Variants in AHNAK observed in about 807,000 individuals in gnomAD.
AHNAK encodes the protein AHNAK nucleoprotein, also known as neuroblast differentiation-associated protein AHNAK.
Under a neutral mutation model 37.8 loss-of-function variants are expected in AHNAK, and 23 were observed. That is an observed-to-expected ratio of 0.61 (90% CI 0.44 to 0.86). The LOEUF (loss-of-function observed/expected upper bound fraction) is 0.86. Among genes scored for constraint, AHNAK ranks in the 40% least tolerant of loss-of-function variants. The probability of loss-of-function intolerance (pLI) is 0.00; values close to 1 mark genes in which losing one functional copy is unlikely to be tolerated. For missense variants in AHNAK, 7,411 were observed against 7,319.4 expected (o/e 1.01, Z -0.46); for synonymous variants, 2,481 against 2,636.3 (o/e 0.94, Z 1.80).
chr11:62,499,223 T>G (rs1939669161), intron 4 of AHNAK, among the ~76,000 whole-genome samples: 1 of 152,126 alleles, frequency 6.6e-6, no homozygotes, highest in East Asian at 1.9e-4. Context: ...ACCCATAGCA[T>G]CCGACTGGCC....
chr11:62,529,568 C>T lies in AHNAK; in HGVS notation c.4849G>A (p.Ala1617Thr), dbSNP rs544879269. Reference sequence around the variant, plus strand: ...CCAACATTCACATCCATCTTAGGGGCTTTCACATCAATTTCAGGACCCTTC... The same window carrying T: ...CCAACATTCACATCCATCTTAGGGGTTTTCACATCAATTTCAGGACCCTTC... ...DLKGPEIDVK[A>T]PKMDVNVGDI... Residue 1617 changes from alanine to threonine, a missense_variant, in exon 5 of 5, where the codon GCC (alanine) becomes ACC (threonine). Transcript: ENST00000378024. 3 of 1,614,140 alleles carry T rather than the reference C, an allele frequency of 1.9e-6. No homozygotes were observed. Among genetic ancestry groups the T allele is most frequent in the Non-Finnish European group, 2.5e-6 (3 of 1,180,034 alleles).
rs1469914427 is a variant in AHNAK, at chr11:62,528,692, T to C, written c.5725A>G (p.Lys1909Glu). 6.2e-7 allele frequency: 1 copy of C among 1,609,648 alleles called. No homozygotes were observed. The highest frequency in any genetic ancestry group is 1.7e-5 in the Admixed American group (1 of 59,404). ...ECPDAKLKGPKFKMPDMHFKA... is the reference protein window; with the variant it reads ...ECPDAKLKGPEFKMPDMHFKA... ...AAGTGCATGTCTGGCATCTTAAATT[T>C]AGGGCCTTTCAACTTTGCATCAGGA... The change falls in exon 5 of 5, where the codon AAA (lysine) becomes GAA (glutamate). Residue 1909 changes from lysine (K) to glutamate (E), a missense_variant. By Grantham distance (56) the Lys-to-Glu change is moderately conservative. Transcript: ENST00000378024.
Position 62,526,299 on chromosome 11 carries a change from C to T in AHNAK, c.8118G>A (p.Lys2706=), listed in dbSNP as rs754457256. 2 of 1,613,932 alleles carry T rather than the reference C, an allele frequency of 1.2e-6. No homozygotes were observed. The highest frequency in any genetic ancestry group is 1.1e-5 in the South Asian group (1 of 91,070). ...TTAAGTCAATATCAGGCATGGAGATCTTGGGGGCTTTGATATTCATCTCTG... is the reference window on the plus strand; with the variant it reads ...TTAAGTCAATATCAGGCATGGAGATTTTGGGGGCTTTGATATTCATCTCTG... ...KMPEMNIKAP[K]ISMPDIDLNL... The change falls in exon 5 of 5, where the codon AAG becomes AAA. Residue 2706 remains lysine, a synonymous_variant. Transcript: ENST00000378024.
In AHNAK at chr11:62,530,496, C is replaced by T. The variant is rs746853100; in HGVS notation, c.3921G>A (p.Lys1307=). The change falls in exon 5 of 5, where the codon AAG becomes AAA. Residue 1307 remains lysine (K), a synonymous_variant. Coordinates refer to ENST00000378024, the MANE Select transcript of AHNAK (RefSeq NM_001620.3). ...TCTCAGGCATCTTAAACTTGGGGCC[C>T]TTCAGCTTTCCTTCCGGGCCCTCAA... is the stretch of plus-strand genomic sequence containing the variant. ...VSLEGPEGKL[K]GPKFKMPEMH... is the part of the protein sequence containing the mutation. The T allele has an allele frequency of 6.2e-7, 1 of 1,611,234 alleles. No homozygotes were observed. Among genetic ancestry groups the T allele is most frequent in the Admixed American group, 1.7e-5 (1 of 59,650 alleles).
chr11:62,454,412 CAA>C (rs5792260), intron 5 of AHNAK, among the ~76,000 whole-genome samples: 74,556 of 125,422 alleles, frequency 0.59, 21,015 homozygotes, highest in African/African-American at 0.68. Flanking sequence ...GACTCCATCT[CAA>C]AAAAAAAAAA....
chr11:62,542,939 C>T (rs545637697), intron 1 of AHNAK, among the ~76,000 whole-genome samples: 1 of 152,202 alleles, frequency 6.6e-6, no homozygotes, highest in Non-Finnish European at 1.5e-5. Context: ...GCTCTCCCCC[C>T]AGCGGTCGGA....
chr11:62,493,086 A>G (rs1020171930), intron 4 of AHNAK, among the ~76,000 whole-genome samples: 1 of 144,770 alleles, frequency 6.9e-6, no homozygotes, highest in African/African-American at 2.6e-5. Context: ...ATCTCAGCTC[A>G]CCACAACCTC....
At position 62,536,565 on chromosome 11, in the gene AHNAK, A is replaced by C; in HGVS notation, c.-97T>G. ...CTCTCTCGTCGGGAATCTCGGTCACAACCTAGGGAAAAGTTCACGATGATG... is the reference window on the plus strand; with the variant it reads ...CTCTCTCGTCGGGAATCTCGGTCACCACCTAGGGAAAAGTTCACGATGATG... On this transcript the variant is annotated splice_region_variant and 5_prime_UTR_variant, in exon 2 of 5. Transcript: ENST00000378024. The C allele has an allele frequency of 6.5e-6, 1 of 153,612 alleles. No individual in the cohort carries two copies. The highest frequency in any genetic ancestry group is 1.4e-5 in the Non-Finnish European group (1 of 69,070). The allele number at this position is 153,612 out of a possible 1,614,324, so 9.5% of individuals were successfully genotyped here. A position where few individuals can be genotyped will look rare whatever the true frequency, so the allele number is the denominator to read the frequency against.
rs1374477925 is a variant in AHNAK at position 62,483,655 on chromosome 11, G to A, written c.442+8077C>T. ...AGGCGGATCATGAGGTCAGGAGATC[G>A]AGACCATCCTGGCTAACACGGTGAA... On this transcript the variant is annotated intron_variant, in intron 5 of 5. Coordinates refer to the AHNAK transcript ENST00000257247. 2.6e-5 allele frequency among the ~76,000 whole-genome samples: 4 copies of A among 151,366 alleles called. No individual in the cohort carries two copies. In the East Asian group the frequency reaches 5.9e-4, roughly 22 times the overall value.
In AHNAK at chr11:62,518,171, G is replaced by T; in HGVS notation, c.16246C>A (p.Pro5416Thr). ...GCATTGACGTGCAAGTCGGACCCCG[G>T]AGTAGAGATGCCAAATTGGGGCAGC... ...MKLPQFGIST[P>T]GSDLHVNAKG... Residue 5416 changes from proline (P) to threonine (T), a missense_variant, in exon 5 of 5, where the codon CCG (proline) becomes ACG (threonine). Physicochemically the swap from Pro to Thr is conservative, Grantham distance 38. Coordinates refer to ENST00000378024, the MANE Select transcript of AHNAK (RefSeq NM_001620.3). The T allele has an allele frequency of 1.2e-6, 2 of 1,614,174 alleles. No homozygotes were observed. The highest frequency in any genetic ancestry group is 1.7e-6 in the Non-Finnish European group (2 of 1,180,042).
At position 62,518,414 on chromosome 11, in the gene AHNAK, C is replaced by T. The variant is rs1273863365; in HGVS notation, c.16003G>A (p.Gly5335Ser). ...HAPGLNLSGV[G>S]GKMQVGGDGV... The stretch of plus-strand genomic sequence containing the variant: ...TCTCCTCCCACCTGCATTTTGCCAC[C>T]GACACCACTGAGGTTGAGCCCTGGA... Residue 5335 changes from glycine (G) to serine (S), a missense_variant, in exon 5 of 5, where the codon GGT (glycine) becomes AGT (serine). By Grantham distance (56) the Gly-to-Ser change is moderately conservative (BLOSUM62 0). Transcript: ENST00000378024. 5.0e-6 allele frequency: 8 copies of T among 1,614,086 alleles called. No individual in the cohort carries two copies. The highest frequency in any genetic ancestry group is 5.9e-6 in the Non-Finnish European group (7 of 1,180,008).
rs538083745 is a variant in AHNAK, at chr11:62,458,926, T to G, written c.443-25035A>C. 3.1e-4 allele frequency among the ~76,000 whole-genome samples: 47 copies of G among 152,316 alleles called. No homozygotes were observed. In the South Asian group the frequency reaches 9.7e-3, roughly 32 times the overall value. Reference sequence around the variant, plus strand: ...TGCTCTGCTGGATTCTATGTTTAACTGTGGCCTGTCCCACTAAGAAAGCTG... The same window carrying G: ...TGCTCTGCTGGATTCTATGTTTAACGGTGGCCTGTCCCACTAAGAAAGCTG... On this transcript the variant is annotated intron_variant, in intron 5 of 5. Transcript: ENST00000257247.
intron 4 of AHNAK, among the ~76,000 whole-genome samples, chr11:62,495,576 C>CAAA (rs57144253): frequency 0.12 from 16,249 of 136,318 alleles, 1,969 homozygotes; most frequent in African/African-American, 0.32. Flanking sequence ...TCTAAAAATA[C>CAAA]AAAAAAAAAA....
intron 5 of AHNAK, among the ~76,000 whole-genome samples, chr11:62,453,548 G>C (rs1938586098): frequency 6.6e-6 from 1 of 152,166 alleles, no homozygotes; most frequent in South Asian, 2.1e-4. Context: ...TCGAACCCAG[G>C]ACCTGAACTT....
At chr11:62,445,602 C>T (rs953550165) in intron 5 of AHNAK, among the ~76,000 whole-genome samples, 1 of 152,104 alleles carries the variant, frequency 6.6e-6, no homozygotes, top group Non-Finnish European at 1.5e-5. Context: ...GCCTGTAATC[C>T]CAGCACTTTG....
In AHNAK at chr11:62,519,005, C is replaced by T; in HGVS notation, c.15412G>A (p.Ala5138Thr). 6.2e-7 allele frequency: 1 copy of T among 1,614,076 alleles called. No individual in the cohort carries two copies. The highest frequency in any genetic ancestry group is 8.5e-7 in the Non-Finnish European group (1 of 1,179,984). ...GGCATCTTGACCTTGGGAGCCTTCG[C>T]CTTGATGTCAAGACCTTCGACGTGA... is the stretch of plus-strand genomic sequence containing the variant. ...AIHVEGLDIK[A>T]KAPKVKMPDV... The change falls in exon 5 of 5, where the codon GCG (alanine) becomes ACG (threonine). Residue 5138 changes from alanine (A) to threonine (T), a missense_variant. Transcript: ENST00000378024.
chr11:62,531,912 T>C lies in AHNAK; in HGVS notation c.2505A>G (p.Glu835=), dbSNP rs759546833. 2 of 1,613,408 alleles carry C rather than the reference T, an allele frequency of 1.2e-6. No homozygotes were observed. The highest frequency in any genetic ancestry group is 1.7e-6 in the Non-Finnish European group (2 of 1,179,896). The change falls in exon 5 of 5, where the codon GAA becomes GAG. Residue 835 remains glutamate, a synonymous_variant. Coordinates refer to ENST00000378024, the MANE Select transcript of AHNAK (RefSeq NM_001620.3). ...LHLKGPNVKG[E]YDVTMPKVES... ...CAACCTTTGGCATTGTGACATCATATTCTCCCTTTACGTTAGGGCCTTTCA... is the reference window on the plus strand; with the variant it reads ...CAACCTTTGGCATTGTGACATCATACTCTCCCTTTACGTTAGGGCCTTTCA...
At position 62,529,325 on chromosome 11, in the gene AHNAK, C is replaced by T. The variant is rs1940636067; in HGVS notation, c.5092G>A (p.Ala1698Thr). The T allele has an allele frequency of 1.9e-6, 3 of 1,614,106 alleles. No individual in the cohort carries two copies. The highest frequency in any genetic ancestry group is 2.5e-6 in the Non-Finnish European group (3 of 1,180,022). Residue 1698 changes from alanine (A) to threonine (T), a missense_variant, in exon 5 of 5, where the codon GCC becomes ACC. By Grantham distance (58) the Ala-to-Thr change is moderately conservative. Coordinates refer to ENST00000378024, the MANE Select transcript of AHNAK (RefSeq NM_001620.3). ...GGGTCGTGAACCTCCACATCTGGGGCATCAATGTCCACTTTGGGCCCTTTA... is the reference window on the plus strand; with the variant it reads ...GGGTCGTGAACCTCCACATCTGGGGTATCAATGTCCACTTTGGGCCCTTTA... ...DIKGPKVDID[A>T]PDVEVHDPDW...
At chr11:62,498,004 C>T (rs1028126584) in intron 4 of AHNAK, among the ~76,000 whole-genome samples, 1 of 151,808 alleles carries the variant, frequency 6.6e-6, no homozygotes, top group Admixed American at 6.6e-5. Context: ...ACTTAAAAGT[C>T]CATCAATAGA....
Sources: allele counts gnomAD v4.1 joint callset (sites outside exome capture counted in the v4.1 genomes callset), GRCh38; gene constraint gnomAD v4.1.1; transcripts MANE v1.5; gene names NCBI Gene and HGNC (gene_info 2026-07-23, HGNC 2026-07-21).